Variants in PLPP1 observed in about 807,000 individuals in gnomAD.
PLPP1 encodes phospholipid phosphatase 1, also known as lipid phosphate phosphohydrolase 1a.
A neutral mutation model predicts 31.2 loss-of-function variants in PLPP1; 24 were observed. That is an observed-to-expected ratio of 0.77 (90% CI 0.56 to 1.08). PLPP1 has a LOEUF of 1.08. PLPP1 is among the 50% of genes least tolerant of loss of function. The probability of loss-of-function intolerance (pLI) is 0.00; values close to 1 mark genes in which losing one functional copy is unlikely to be tolerated. For synonymous variants in PLPP1, 146 were observed against 126.3 expected, an observed-to-expected ratio of 1.16 and a Z score of -1.05; for missense variants, 319 against 342.7, an observed-to-expected ratio of 0.93 and a Z score of 0.55.
At chr5:55,508,526 C>T (rs1355313165) in intron 1 of PLPP1, among the ~76,000 whole-genome samples, 1 of 152,148 alleles carries the variant, frequency 6.6e-6, no homozygotes. Flanking sequence ...AGTCATCCTG[C>T]AAAACAGGTA....
At chr5:55,527,882 G>A (rs552180818) in intron 1 of PLPP1, among the ~76,000 whole-genome samples, 2 of 152,252 alleles carry the variant, frequency 1.3e-5, no homozygotes, top group East Asian at 3.9e-4. Context: ...TCCAGCAAGA[G>A]GGAACTAGCT....
chr5:55,507,023 T>C (rs940523882), intron 1 of PLPP1, among the ~76,000 whole-genome samples: 1 of 152,214 alleles, frequency 6.6e-6, no homozygotes, highest in African/African-American at 2.4e-5. Context: ...TTGCAAATTC[T>C]TTCCAGAATC....
chr5:55,534,692 C>G lies in PLPP1; in HGVS notation c.-63G>C. ...GAGCTGCGGGACGGCGGCCGAGGCC[C>G]TTGATTCTCGAGCCCGGGCCGGGGC... On this transcript the variant is annotated 5_prime_UTR_variant, in exon 1 of 6. Transcript: ENST00000307259. The G allele has an allele frequency of 6.7e-7, 1 of 1,484,606 alleles. No individual in the cohort carries two copies. Among genetic ancestry groups the G allele is most frequent in the South Asian group, 1.3e-5 (1 of 79,460 alleles). 92.0% of individuals were successfully genotyped at this position (1,484,606 alleles called of 1,614,324 possible). A position where few individuals can be genotyped will look rare whatever the true frequency, so the allele number is the denominator to read the frequency against.
At chr5:55,432,479 T>C (rs1432544469) in intron 4 of PLPP1, among the ~76,000 whole-genome samples, 1 of 152,110 alleles carries the variant, frequency 6.6e-6, no homozygotes, top group Admixed American at 6.6e-5. Context: ...ACACCCATTC[T>C]CCTCTAACTA....
intron 3 of PLPP1, among the ~76,000 whole-genome samples, chr5:55,452,122 C>T (rs1201255563): frequency 6.6e-6 from 1 of 152,136 alleles, no homozygotes; most frequent in Non-Finnish European, 1.5e-5. Flanking sequence ...CATCACTTGC[C>T]AACAAACTAC....
intron 3 of PLPP1, among the ~76,000 whole-genome samples, chr5:55,449,585 A>G (rs900819515): frequency 6.6e-6 from 1 of 152,204 alleles, no homozygotes; most frequent in Non-Finnish European, 1.5e-5. Flanking sequence ...CCCTGTTCTC[A>G]CATCTTGCAG....
At chr5:55,453,025 T>C (rs1440322566) in intron 3 of PLPP1, among the ~76,000 whole-genome samples, 1 of 37,888 alleles carries the variant, frequency 2.6e-5, no homozygotes, top group Non-Finnish European at 8.1e-5. Flanking sequence ...GTATTCAATG[T>C]GGTTTTTTTC....
intron 1 of PLPP1, among the ~76,000 whole-genome samples, chr5:55,512,536 GAAA>G (rs1561253224): frequency 0.024 from 256 of 10,522 alleles, 16 homozygotes; most frequent in African/African-American, 0.047. Context: ...AAGAAAGAAA[GAAA>G]GAAAGAAAGA....
rs140968372 is a variant in PLPP1, at chr5:55,433,432, C to A, written c.550-7393G>T. ...TTATATGTAGAAAAACCTAAAGACT[C>A]TACCAAAAAACTCTTAGATCTGATA... On this transcript the variant is annotated intron_variant, in intron 4 of 5. Transcript: ENST00000307259. 2.6e-3 allele frequency among the ~76,000 whole-genome samples: 84 copies of A among 32,356 alleles called. 2 individuals carry two copies. In the East Asian group the frequency reaches 0.036, roughly 14 times the overall value. The allele number at this position is 32,356 out of a possible 152,430, so 21.2% of individuals were successfully genotyped here.
chr5:55,492,606 G>A (rs1231392536), intron 1 of PLPP1, among the ~76,000 whole-genome samples: 1 of 152,098 alleles, frequency 6.6e-6, no homozygotes, highest in Non-Finnish European at 1.5e-5. Context: ...AGTGGTAGAG[G>A]GAGGCAGGGA....
intron 1 of PLPP1, among the ~76,000 whole-genome samples, chr5:55,496,961 T>C (rs1196798640): frequency 1.3e-5 from 2 of 152,142 alleles, no homozygotes; most frequent in South Asian, 2.1e-4. Context: ...TAATCCCTAA[T>C]ATGTAGAAGG....
intron 3 of PLPP1, among the ~76,000 whole-genome samples, chr5:55,444,320 A>C (rs189052788): frequency 1.3e-5 from 2 of 152,266 alleles, no homozygotes; most frequent in African/African-American, 2.4e-5. Flanking sequence ...ACCTCATGTG[A>C]TCCGTCGCCC....
chr5:55,518,563 G>C (rs115970502), intron 1 of PLPP1, among the ~76,000 whole-genome samples: 5,062 of 152,166 alleles, frequency 0.033, 112 homozygotes, highest in Non-Finnish European at 0.049. Flanking sequence ...ACACTACTTT[G>C]TGTCAGGGAT....
At chr5:55,448,189 G>A (rs965961547) in intron 3 of PLPP1, among the ~76,000 whole-genome samples, 2 of 152,144 alleles carry the variant, frequency 1.3e-5, no homozygotes, top group African/African-American at 2.4e-5. Context: ...TGTGCTAAAT[G>A]ATTTGGCAAT....
chr5:55,443,192 A>AAAAAAAAAAAAAATATATATATAT, intron 3 of PLPP1, among the ~76,000 whole-genome samples: 1 of 25,416 alleles, frequency 3.9e-5, no homozygotes, highest in African/African-American at 1.1e-4. Flanking sequence ...AAAAAAAAAA[A>AAAAAAAAAAAAAATATATATATAT]ATATATATAT....
At chr5:55,492,459 T>C (rs1160106314) in intron 1 of PLPP1, among the ~76,000 whole-genome samples, 2 of 152,042 alleles carry the variant, frequency 1.3e-5, no homozygotes, top group African/African-American at 2.4e-5. Context: ...TAAAATGGCA[T>C]AGAAGGACCT....
chr5:55,530,844 G>A (rs1396650016), intron 1 of PLPP1: 14 of 1,196,806 alleles, frequency 1.2e-5, no homozygotes, highest in Middle Eastern at 3.8e-4. Flanking sequence ...CGGGGCAGTA[G>A]GATGTGGCCG....
In PLPP1 at chr5:55,534,782, G is replaced by A; in HGVS notation, c.-153C>T. The A allele has an allele frequency of 2.6e-6, 2 of 776,654 alleles. No individual in the cohort carries two copies. The highest frequency in any genetic ancestry group is 3.8e-6 in the Non-Finnish European group (2 of 524,400). The allele number at this position is 776,654 out of a possible 1,614,324, so 48.1% of individuals were successfully genotyped here. A position where few individuals can be genotyped will look rare whatever the true frequency, so the allele number is the denominator to read the frequency against. On this transcript the variant is annotated 5_prime_UTR_variant, in exon 1 of 6. Coordinates refer to ENST00000307259, the MANE Select transcript of PLPP1 (RefSeq NM_003711.4). ...AGGAGAGCAGCCGAGGGCGGGCTGA[G>A]ACCGGGCGGCGCTCCCACCGCCAGC... is the stretch of plus-strand genomic sequence containing the variant.
At chr5:55,430,402 TTCCCATCTCCA>T (rs1751319751) in intron 4 of PLPP1, among the ~76,000 whole-genome samples, 1 of 152,190 alleles carries the variant, frequency 6.6e-6, no homozygotes, top group South Asian at 2.1e-4. Context: ...CCACCTAATG[TTCCCATCTCCA>T]GCAAATGCTT....
Sources: allele counts gnomAD v4.1 joint callset (sites outside exome capture counted in the v4.1 genomes callset), GRCh38; gene constraint gnomAD v4.1.1; transcripts MANE v1.5; gene names NCBI Gene and HGNC (gene_info 2026-07-23, HGNC 2026-07-21).